ALDH7A1: variants seen among roughly 807,000 people sequenced by gnomAD.
ALDH7A1 encodes the protein alpha-aminoadipic semialdehyde dehydrogenase.
Under a neutral mutation model 79.9 loss-of-function variants are expected in ALDH7A1, and 63 were observed. The ratio of observed to expected loss-of-function variants is 0.79; its 90% CI spans 0.64 to 0.97. ALDH7A1 has a LOEUF of 0.97. Among genes scored for constraint, ALDH7A1 ranks in the 50% least tolerant of loss-of-function variants. The probability of loss-of-function intolerance (pLI) is 0.00; values close to 1 mark genes in which losing one functional copy is unlikely to be tolerated. For synonymous variants in ALDH7A1, 240 were observed against 231.2 expected, an observed-to-expected ratio of 1.04 and a Z score of -0.34; for missense variants, 627 against 665.2, an observed-to-expected ratio of 0.94 and a Z score of 0.63.
At chr5:126,563,680 G>A (rs1468352739) in intron 9 of ALDH7A1, among the ~76,000 whole-genome samples, 2 of 152,090 alleles carry the variant, frequency 1.3e-5, no homozygotes, top group East Asian at 1.9e-4. Context: ...TAGTAGAGAC[G>A]GGGTTTTGCC....
chr5:126,552,080 C>A lies in ALDH7A1; in HGVS notation c.1258G>T (p.Asp420Tyr), dbSNP rs758810390. Residue 420 changes from aspartate (D) to tyrosine (Y), a missense_variant, in exon 14 of 18, where the codon GAT (aspartate) becomes TAT (tyrosine). Asp to Tyr is a radical substitution (Grantham distance 160, BLOSUM62 -3). Coordinates refer to ENST00000409134, the MANE Select transcript of ALDH7A1 (RefSeq NM_001182.5). ...EPTIVTGLGH[D>Y]ASIAHTETFA... ...GTCTCTGTGTGTGCAATGGACGCAT[C>A]GTGGCCAAGACCTGTCACAATTGTC... The A allele has an allele frequency of 6.2e-7, 1 of 1,614,018 alleles. No homozygotes were observed. The highest frequency in any genetic ancestry group is 8.5e-7 in the Non-Finnish European group (1 of 1,179,998).
At position 126,550,385 on chromosome 5, in the gene ALDH7A1, T is replaced by C; in HGVS notation, c.1318-92A>G. 3.2e-6 allele frequency: 3 copies of C among 948,638 alleles called. No individual in the cohort carries two copies. The South Asian group carries it at 4.1e-5, about 13-fold the overall frequency. The allele number at this position is 948,638 out of a possible 1,614,324, so 58.8% of individuals were successfully genotyped here. On this transcript the variant is annotated intron_variant, in intron 14 of 17. Coordinates refer to ENST00000409134, the MANE Select transcript of ALDH7A1 (RefSeq NM_001182.5). ...ACTCATTTCCTGAAGTGTACCAGTA[T>C]AATTTCAGTGTACAAAAGGAAACCA...
chr5:126,561,945 G>A (rs1481635327), intron 9 of ALDH7A1: 1 of 152,120 alleles, frequency 6.6e-6, no homozygotes, highest in East Asian at 1.9e-4. Context: ...ACTCCAGCCT[G>A]GCCAACAGAA....
chr5:126,559,735 C>T (rs769406934), intron 10 of ALDH7A1, among the ~76,000 whole-genome samples: 2 of 151,876 alleles, frequency 1.3e-5, no homozygotes, highest in East Asian at 1.9e-4. Context: ...GCCCGGCAAA[C>T]GTTTTTATAA....
intron 13 of ALDH7A1, among the ~76,000 whole-genome samples, chr5:126,552,851 G>A (rs1486541686): frequency 6.6e-6 from 1 of 151,950 alleles, no homozygotes; most frequent in African/African-American, 2.4e-5. Flanking sequence ...GTGGGCTCAA[G>A]CAATCCTCCC....
rs184849456 is a variant in ALDH7A1, at chr5:126,585,087, C to G, written c.313-1075G>C. On this transcript the variant is annotated intron_variant, in intron 3 of 17. Coordinates refer to ENST00000409134, the MANE Select transcript of ALDH7A1 (RefSeq NM_001182.5). ...CTGAGGCAGGTGGATCACTTGGGGT[C>G]AGGAGTTCAAGACGAGCCTGGCCAA... 2.8e-4 allele frequency among the ~76,000 whole-genome samples: 42 copies of G among 152,248 alleles called. No individual in the cohort carries two copies. In the South Asian group the frequency reaches 7.7e-3, roughly 28 times the overall value.
chr5:126,593,318 C>CAA (rs775400392), intron 2 of ALDH7A1, 33 bp downstream of exon 2: 7 of 1,552,268 alleles, frequency 4.5e-6, no homozygotes, highest in East Asian at 4.5e-5. Flanking sequence ...AACACACACA[C>CAA]ACACACACAC....
chr5:126,588,892 A>C (rs544533696), intron 3 of ALDH7A1: 1 of 152,570 alleles, frequency 6.6e-6, no homozygotes, highest in South Asian at 2.1e-4. Context: ...AAAATACAAA[A>C]ATTAGCCAGG....
chr5:126,548,342 G>T (rs1035156013), intron 16 of ALDH7A1, among the ~76,000 whole-genome samples: 1 of 151,528 alleles, frequency 6.6e-6, no homozygotes, highest in African/African-American at 2.4e-5. Context: ...TAGAGACAGG[G>T]TCCTACCATG....
intron 5 of ALDH7A1, among the ~76,000 whole-genome samples, chr5:126,578,322 A>G (rs1751046942): frequency 1.3e-5 from 2 of 151,972 alleles, no homozygotes; most frequent in South Asian, 2.1e-4. Context: ...TGAATTACGC[A>G]AATCTTTACA....
At chr5:126,579,627 G>A (rs1466169820) in intron 5 of ALDH7A1, among the ~76,000 whole-genome samples, 2 of 150,556 alleles carry the variant, frequency 1.3e-5, no homozygotes, top group East Asian at 1.9e-4. Flanking sequence ...TTACCCCAAA[G>A]TCTCTACATA....
chr5:126,547,580 G>C (rs867484765), intron 16 of ALDH7A1, among the ~76,000 whole-genome samples: 1 of 152,144 alleles, frequency 6.6e-6, no homozygotes, highest in Non-Finnish European at 1.5e-5. Flanking sequence ...GAAAAGAACA[G>C]CTTCTTCTAC....
At chr5:126,582,475 T>C (rs1751210828) in intron 5 of ALDH7A1, among the ~76,000 whole-genome samples, 1 of 152,196 alleles carries the variant, frequency 6.6e-6, no homozygotes. Flanking sequence ...ATTTCTAATG[T>C]TTTTTATTGA....
chr5:126,552,239 A>T, intron 13 of ALDH7A1, 102 bp from the exon 14 acceptor site: 1 of 805,908 alleles, frequency 1.2e-6, no homozygotes, highest in Non-Finnish European at 2.1e-6. Context: ...GAAAAAAATT[A>T]GCATCATTTA....
rs572425402 is a variant in ALDH7A1 at position 126,541,841 on chromosome 5, T to C, written c.*3124A>G. 2 of 152,312 alleles carry C rather than the reference T, an allele frequency of 1.3e-5. No individual in the cohort carries two copies. Among genetic ancestry groups the C allele is most frequent in the East Asian group, 3.9e-4 (2 of 5,194 alleles). The allele number at this position is 152,312 out of a possible 1,614,324, so 9.4% of individuals were successfully genotyped here. ...TGAAAAGGACAACCCAATTGTCTAA[T>C]TGGAGTTGAGGAATTATTTTTATTT... On this transcript the variant is annotated 3_prime_UTR_variant, in exon 18 of 18. Transcript: ENST00000409134.
chr5:126,560,812 G>A (rs1750377140), intron 10 of ALDH7A1, among the ~76,000 whole-genome samples: 2 of 152,176 alleles, frequency 1.3e-5, no homozygotes, highest in African/African-American at 4.8e-5. Flanking sequence ...AAGAAATAAT[G>A]CCATACTACA....
Position 126,570,850 on chromosome 5 carries a change from G to C in ALDH7A1, c.705C>G (p.Ala235=), listed in dbSNP as rs908023912. 1.1e-5 allele frequency: 17 copies of C among 1,613,618 alleles called. No homozygotes were observed. The highest frequency in any genetic ancestry group is 6.7e-5 in the African/African-American group (5 of 74,864). The change falls in exon 8 of 18, where the codon GCC becomes GCG. Residue 235 remains alanine, a synonymous_variant. Coordinates refer to ENST00000409134, the MANE Select transcript of ALDH7A1 (RefSeq NM_001182.5). Reference sequence around the variant, plus strand: ...GCAGCTTGTTGTCCTCCAGAACCTTGGCTATTATCCTAGAAAGGAAAAAGC... The same window carrying C: ...GCAGCTTGTTGTCCTCCAGAACCTTCGCTATTATCCTAGAAAGGAAAAAGC... ...LISVAVTKII[A]KVLEDNKLPG... is the part of the protein sequence containing the mutation.
rs2112746220 is a variant in ALDH7A1 at position 126,546,370 on chromosome 5, C to G, written c.1519G>C (p.Glu507Gln). The change falls in exon 17 of 18, where the codon GAG becomes CAG. Residue 507 changes from glutamate (E) to glutamine (Q), a missense_variant. Physicochemically the swap from Glu to Gln is conservative, Grantham distance 29. Coordinates refer to ENST00000409134, the MANE Select transcript of ALDH7A1 (RefSeq NM_001182.5). ...GGEKHTGGGRESGSDAWKQYM... is the reference protein window; with the variant it reads ...GGEKHTGGGRQSGSDAWKQYM... ...TGTTTCCAGGCATCACTGCCAGACT[C>G]CCTGCCACCACCAGTGTGCTTTTCT... is the stretch of plus-strand genomic sequence containing the variant. The G allele has an allele frequency of 2.5e-6, 4 of 1,614,230 alleles. No individual in the cohort carries two copies. In the South Asian group the frequency reaches 3.3e-5, roughly 13 times the overall value.
intron 17 of ALDH7A1, among the ~76,000 whole-genome samples, chr5:126,545,638 T>C (rs1482809771): frequency 7.0e-6 from 1 of 143,884 alleles, no homozygotes; most frequent in Non-Finnish European, 1.5e-5. Flanking sequence ...ATGCAAAAAT[T>C]AGCCTGGCAT....
Sources: allele counts gnomAD v4.1 joint callset (sites outside exome capture counted in the v4.1 genomes callset), GRCh38; gene constraint gnomAD v4.1.1; transcripts MANE v1.5; gene names NCBI Gene and HGNC (gene_info 2026-07-23, HGNC 2026-07-21).